NEO1: variants seen among roughly 807,000 people sequenced by gnomAD.
NEO1 encodes neogenin 1, also known as neogenin.
In NEO1, 63 loss-of-function variants were observed where a neutral mutation model predicts 159.7. The ratio of observed to expected loss-of-function variants is 0.39; its 90% confidence interval spans 0.32 to 0.49. The LOEUF (loss-of-function observed/expected upper bound fraction) is 0.49. Ranked by LOEUF, NEO1 falls within the 20% of genes least tolerant of loss-of-function variation. The pLI is 0.85. For missense variants in NEO1, 1,615 were observed against 1,831.0 expected (o/e 0.88, Z 2.15); for synonymous variants, 633 against 662.0 (o/e 0.96, Z 0.67).
intron 2 of NEO1, among the ~76,000 whole-genome samples, chr15:73,118,389 C>T (rs531489059): frequency 3.3e-5 from 5 of 152,174 alleles, no homozygotes; most frequent in East Asian, 3.9e-4. Flanking sequence ...ATGAGCTGTC[C>T]TCCACTTCTC....
chr15:73,138,767 A>C (rs1038416317), intron 5 of NEO1, among the ~76,000 whole-genome samples: 7 of 150,656 alleles, frequency 4.6e-5, no homozygotes, highest in African/African-American at 1.2e-4. Flanking sequence ...AAAAAAAAAA[A>C]AAAACAAAAA....
At chr15:73,301,559 A>C in intron 28 of NEO1, 102 bp downstream of exon 28, 1 of 1,474,522 alleles carries the variant, frequency 6.8e-7, no homozygotes. Context: ...CAGGCCCGCC[A>C]CCCAGAACTA....
intron 7 of NEO1, 98 bp from the exon 8 acceptor site, chr15:73,236,249 T>G: frequency 6.4e-7 from 1 of 1,551,710 alleles, no homozygotes; most frequent in Non-Finnish European, 8.9e-7. Flanking sequence ...ACCGTCGTGG[T>G]TTGCCCTTCA....
intron 1 of NEO1, among the ~76,000 whole-genome samples, chr15:73,099,767 G>A (rs185238255): frequency 2.6e-5 from 4 of 152,264 alleles, no homozygotes; most frequent in Admixed American, 2.6e-4. Flanking sequence ...TGTAATACTT[G>A]TTTTCCATAT....
intron 1 of NEO1, among the ~76,000 whole-genome samples, chr15:73,076,473 C>T (rs1370619770): frequency 6.6e-6 from 1 of 152,036 alleles, no homozygotes; most frequent in Non-Finnish European, 1.5e-5. Flanking sequence ...TTTTCCAGTG[C>T]CTAGAAGAGT....
intron 2 of NEO1, among the ~76,000 whole-genome samples, chr15:73,122,143 CAA>C (rs1434091994): frequency 1.4e-5 from 2 of 143,390 alleles, no homozygotes; most frequent in African/African-American, 5.2e-5. Context: ...AAAGACTAGA[CAA>C]AATGTGTACA....
chr15:73,116,349 A>G (rs1035555202), intron 1 of NEO1, among the ~76,000 whole-genome samples, 191 bp from the exon 2 acceptor site: 3 of 152,150 alleles, frequency 2.0e-5, no homozygotes, highest in African/African-American at 7.2e-5. Context: ...GTTCTTCTAA[A>G]TGGCTCAAAG....
intron 1 of NEO1, among the ~76,000 whole-genome samples, chr15:73,111,328 T>G (rs944643406): frequency 6.6e-6 from 1 of 152,214 alleles, no homozygotes; most frequent in Non-Finnish European, 1.5e-5. Context: ...AGCATACAAA[T>G]GTACCCCAGA....
Position 73,142,165 on chromosome 15 carries a change from T to C in NEO1, c.1015+6138T>C, listed in dbSNP as rs979111830. On this transcript the variant is annotated intron_variant, in intron 5 of 28. Transcript: ENST00000261908. ...AATTGGAAACTCATATGTGATGTTG[T>C]GGGGAGAGGGGCAACAATTTCTGTC... Among the ~76,000 whole-genome samples the C allele has an allele frequency of 4.6e-5, 7 of 152,062 alleles. 1 individual carries two copies. The highest frequency in any genetic ancestry group is 4.6e-4 in the Admixed American group (7 of 15,272).
chr15:73,267,315 TC>T (rs1252108994), intron 16 of NEO1, among the ~76,000 whole-genome samples: 7 of 152,370 alleles, frequency 4.6e-5, no homozygotes, highest in African/African-American at 1.4e-4. Context: ...TGTAAATTTT[TC>T]TATAGATATA....
At chr15:73,253,372 AATTTT>A in intron 11 of NEO1, 23 bp from the exon 12 acceptor site, 4 of 1,386,784 alleles carry the variant, frequency 2.9e-6, no homozygotes, top group Admixed American at 2.0e-5. Context: ...TTAAAAAAAA[AATTTT>A]TTTTTTTTTT....
chr15:73,269,275 C>T (rs1157785613), intron 16 of NEO1, among the ~76,000 whole-genome samples: 2 of 152,204 alleles, frequency 1.3e-5, no homozygotes, highest in African/African-American at 4.8e-5. Context: ...ACTGAAATCT[C>T]AAACCATGAG....
At chr15:73,232,758 C>G (rs2038976389) in intron 7 of NEO1, among the ~76,000 whole-genome samples, 1 of 152,216 alleles carries the variant, frequency 6.6e-6, no homozygotes, top group South Asian at 2.1e-4. Context: ...CAGCAGAGCA[C>G]TGGCCCTTCC....
At chr15:73,248,500 T>A (rs1415981393) in intron 9 of NEO1, among the ~76,000 whole-genome samples, 2 of 152,224 alleles carry the variant, frequency 1.3e-5, no homozygotes, top group Non-Finnish European at 2.9e-5. Flanking sequence ...CTGGAATGAT[T>A]TTCCCCTTGG....
At chr15:73,199,595 G>T (rs532227922) in intron 7 of NEO1, among the ~76,000 whole-genome samples, 2 of 152,188 alleles carry the variant, frequency 1.3e-5, no homozygotes, top group Admixed American at 1.3e-4. Flanking sequence ...GAGTTTTCTG[G>T]TAATGTCTTT....
intron 5 of NEO1, among the ~76,000 whole-genome samples, chr15:73,147,873 G>T (rs2033044933): frequency 6.7e-6 from 1 of 149,882 alleles, no homozygotes; most frequent in African/African-American, 2.5e-5. Flanking sequence ...GAGTGCAGTT[G>T]CGCGATCTCG....
intron 7 of NEO1, among the ~76,000 whole-genome samples, chr15:73,205,840 A>G (rs2037183676): frequency 6.6e-6 from 1 of 152,056 alleles, no homozygotes; most frequent in South Asian, 2.1e-4. Context: ...CTTTCAAGCT[A>G]TTTACATGCC....
At chr15:73,158,208 C>CT (rs1047852394) in intron 5 of NEO1, among the ~76,000 whole-genome samples, 8,258 of 82,512 alleles carry the variant, frequency 0.1, 473 homozygotes, top group African/African-American at 0.12. Context: ...GAGTGAGACT[C>CT]TTTTTTTTTT....
chr15:73,214,780 T>G lies in NEO1; in HGVS notation c.1292-21567T>G, dbSNP rs116764673. Among the ~76,000 whole-genome samples, 1,306 of 152,320 alleles carry G rather than the reference T, an allele frequency of 8.6e-3. 22 individuals are homozygous for G. The highest frequency in any genetic ancestry group is 0.03 in the African/African-American group (1,235 of 41,574). ...GGCTTTTTTGTTTGTTTGTTTCATA[T>G]GAATTTTAGAATTGTTTTTTCTAAT... On this transcript the variant is annotated intron_variant, in intron 7 of 28. Coordinates refer to ENST00000261908, the MANE Select transcript of NEO1 (RefSeq NM_002499.4).
Sources: allele counts gnomAD v4.1 joint callset (sites outside exome capture counted in the v4.1 genomes callset), GRCh38; gene constraint gnomAD v4.1.1; transcripts MANE v1.5; gene names NCBI Gene and HGNC (gene_info 2026-07-23, HGNC 2026-07-21).